The following LRRC4C variants were observed in gnomAD, a reference collection of about 807,000 sequenced individuals.
LRRC4C encodes leucine-rich repeat-containing protein 4C.
A neutral mutation model predicts 33.6 loss-of-function variants in LRRC4C; 5 were observed. That is an observed-to-expected ratio of 0.15 (90% confidence interval 0.08 to 0.31). The LOEUF is 0.31. Ranked by LOEUF, LRRC4C falls within the 10% of genes least tolerant of loss-of-function variation. The pLI, the probability that LRRC4C is intolerant of heterozygous loss-of-function variation, is 1.00. For synonymous variants in LRRC4C, 329 were observed against 302.0 expected (o/e 1.09, Z -0.93); for missense variants, 560 against 796.7 (o/e 0.70, Z 3.58).
At chr11:40,314,345 T>G (rs890719581) in intron 4 of LRRC4C, among the ~76,000 whole-genome samples, 6 of 151,740 alleles carry the variant, frequency 4.0e-5, no homozygotes, top group Non-Finnish European at 8.8e-5. Context: ...AAAACCAAAG[T>G]GAGTTATCAT....
intron 1 of LRRC4C, among the ~76,000 whole-genome samples, chr11:41,144,550 T>C (rs562004626): frequency 2.0e-4 from 31 of 152,152 alleles, no homozygotes; most frequent in Admixed American, 9.2e-4. Context: ...TCAACACACA[T>C]ATATATATAT....
In LRRC4C at chr11:40,302,629, G is replaced by A. The variant is rs555879616; in HGVS notation, c.-176+16999C>T. 3.9e-4 allele frequency among the ~76,000 whole-genome samples: 60 copies of A among 152,102 alleles called. 1 individual carries two copies. In the South Asian group the frequency reaches 0.012, roughly 31 times the overall value. On this transcript the variant is annotated intron_variant, in intron 4 of 6. Transcript: ENST00000528697. ...TACTAAATACAATAATTTGTACATAGGTGCTAACACTTTAGTACTATCCAA... is the reference window on the plus strand; with the variant it reads ...TACTAAATACAATAATTTGTACATAAGTGCTAACACTTTAGTACTATCCAA...
intron 1 of LRRC4C, among the ~76,000 whole-genome samples, chr11:41,052,113 C>T (rs959331920): frequency 6.6e-6 from 1 of 152,086 alleles, no homozygotes; most frequent in African/African-American, 2.4e-5. Context: ...TACCTGAGCA[C>T]CTACTCAGCC....
intron 1 of LRRC4C, among the ~76,000 whole-genome samples, chr11:41,395,507 C>G (rs1953773628): frequency 6.6e-6 from 1 of 151,850 alleles, no homozygotes; most frequent in Non-Finnish European, 1.5e-5. Flanking sequence ...ATTGAATAAT[C>G]AAATAATAAT....
Position 40,246,915 on chromosome 11 carries a change from T to C in LRRC4C, c.-175-5317A>G, listed in dbSNP as rs565999789. ...TATTTTTGCCATGACTTATCAGAAA[T>C]CTAAGCACGTTCAAACACACCAACA... On this transcript the variant is annotated intron_variant, in intron 4 of 6. Transcript: ENST00000528697. Among the ~76,000 whole-genome samples the C allele has an allele frequency of 5.2e-4, 79 of 152,298 alleles. No homozygotes were observed. The Middle Eastern group carries it at 0.01, about 20-fold the overall frequency.
intron 1 of LRRC4C, among the ~76,000 whole-genome samples, chr11:41,203,297 T>C (rs973129217): frequency 6.6e-6 from 1 of 152,050 alleles, no homozygotes; most frequent in African/African-American, 2.4e-5. Flanking sequence ...TAGACCATAC[T>C]GAATATAAAT....
At chr11:40,474,746 A>C (rs888280998) in intron 3 of LRRC4C, among the ~76,000 whole-genome samples, 1 of 152,192 alleles carries the variant, frequency 6.6e-6, no homozygotes, top group Admixed American at 6.6e-5. Context: ...AGAAAACAAC[A>C]AACAACCCAA....
chr11:41,275,944 A>G (rs1205475817), intron 1 of LRRC4C, among the ~76,000 whole-genome samples: 1 of 152,218 alleles, frequency 6.6e-6, no homozygotes, highest in African/African-American at 2.4e-5. Context: ...CTGAATTACT[A>G]AAGGTAATTA....
At chr11:40,761,442 CT>C (rs981617566) in intron 2 of LRRC4C, among the ~76,000 whole-genome samples, 2 of 152,092 alleles carry the variant, frequency 1.3e-5, no homozygotes, top group Non-Finnish European at 2.9e-5. Context: ...AGGGGTTGAG[CT>C]GAAGAAAGCC....
At chr11:40,620,400 C>T (rs1962336118) in intron 3 of LRRC4C, among the ~76,000 whole-genome samples, 1 of 151,738 alleles carries the variant, frequency 6.6e-6, no homozygotes, top group African/African-American at 2.4e-5. Context: ...TCATAAACTT[C>T]CCTGAGCCAT....
At chr11:40,668,671 G>A (rs866258611) in intron 2 of LRRC4C, among the ~76,000 whole-genome samples, 1 of 152,048 alleles carries the variant, frequency 6.6e-6, no homozygotes, top group Non-Finnish European at 1.5e-5. Context: ...AAATGTAGGT[G>A]GGGAGAGAAA....
chr11:40,958,785 A>T (rs922816752), intron 1 of LRRC4C, among the ~76,000 whole-genome samples: 1 of 151,796 alleles, frequency 6.6e-6, no homozygotes, highest in Non-Finnish European at 1.5e-5. Flanking sequence ...TAGTTTGCAG[A>T]ATTCAGATCT....
intron 5 of LRRC4C, among the ~76,000 whole-genome samples, chr11:40,201,604 A>C (rs1862758302): frequency 6.6e-6 from 1 of 152,152 alleles, no homozygotes; most frequent in Non-Finnish European, 1.5e-5. Flanking sequence ...AAGGGTCAGT[A>C]AAGTCTGCAG....
chr11:41,370,020 G>C (rs1952685210), intron 1 of LRRC4C, among the ~76,000 whole-genome samples: 1 of 151,986 alleles, frequency 6.6e-6, no homozygotes, highest in Non-Finnish European at 1.5e-5. Flanking sequence ...TTTCAAATTA[G>C]ATCATTTCTG....
chr11:41,425,790 G>A (rs115511362), intron 1 of LRRC4C, among the ~76,000 whole-genome samples: 2,121 of 152,170 alleles, frequency 0.014, 50 homozygotes, highest in African/African-American at 0.048. Flanking sequence ...TGGGAGGGGT[G>A]ATGTGCTCAA....
At chr11:41,141,748 C>G (rs921689362) in intron 1 of LRRC4C, among the ~76,000 whole-genome samples, 1 of 152,082 alleles carries the variant, frequency 6.6e-6, no homozygotes, top group African/African-American at 2.4e-5. Context: ...TGAGGACTCC[C>G]CAGCCCTGAG....
chr11:41,051,063 G>T (rs1336719192), intron 1 of LRRC4C, among the ~76,000 whole-genome samples: 1 of 152,110 alleles, frequency 6.6e-6, no homozygotes, highest in African/African-American at 2.4e-5. Context: ...GTCACAATCT[G>T]AGACTATTCA....
At chr11:40,629,328 T>C (rs1471297216) in intron 3 of LRRC4C, among the ~76,000 whole-genome samples, 1 of 152,174 alleles carries the variant, frequency 6.6e-6, no homozygotes, top group African/African-American at 2.4e-5. Context: ...TTTGTAATCA[T>C]CACAACCATA....
chr11:41,359,041 ATTAG>A (rs1177015368), intron 1 of LRRC4C, among the ~76,000 whole-genome samples: 1 of 152,158 alleles, frequency 6.6e-6, no homozygotes. Context: ...CTAAAAAGAA[ATTAG>A]TTATCAAAGA....
Sources: allele counts gnomAD v4.1 joint callset (sites outside exome capture counted in the v4.1 genomes callset), GRCh38; gene constraint gnomAD v4.1.1; transcripts MANE v1.5; gene names NCBI Gene and HGNC (gene_info 2026-07-23, HGNC 2026-07-21).